Variants in LRMDA observed in about 807,000 individuals in gnomAD.
LRMDA encodes leucine-rich melanocyte differentiation-associated protein.
Under a neutral mutation model 29.8 loss-of-function variants are expected in LRMDA, and 18 were observed. That is an observed-to-expected ratio of 0.60 (90% CI 0.42 to 0.90). The LOEUF (loss-of-function observed/expected upper bound fraction) is 0.90, where lower values mean the gene tolerates loss of function less well. LRMDA is among the 40% of genes least tolerant of loss of function. The pLI is 0.00. For synonymous variants in LRMDA, 125 were observed against 109.4 expected, an observed-to-expected ratio of 1.14 and a Z score of -0.89; for missense variants, 273 against 273.9, an observed-to-expected ratio of 1.00 and a Z score of 0.02.
In LRMDA at chr10:75,571,341, G is replaced by A. The variant is rs1840435257; in HGVS notation, c.131+132847G>A. On this transcript the variant is annotated intron_variant, in intron 2 of 6. Transcript: ENST00000611255. ...TTTCCAGTGTTCTGCCACATTGTGT[G>A]GAGAACACATTGTGTGGATTAAGGT... is the stretch of plus-strand genomic sequence containing the variant. Among the ~76,000 whole-genome samples, 3 of 152,160 alleles carry A rather than the reference G, an allele frequency of 2.0e-5. No homozygotes were observed. The South Asian group carries it at 6.2e-4, about 32-fold the overall frequency.
chr10:76,019,094 A>T (rs183753989), intron 2 of LRMDA, among the ~76,000 whole-genome samples: 75 of 152,250 alleles, frequency 4.9e-4, no homozygotes, highest in Admixed American at 2.5e-3. Flanking sequence ...TCTAGGAAGT[A>T]TCCCAATTTA....
intron 6 of LRMDA, among the ~76,000 whole-genome samples, chr10:76,479,610 A>C (rs1002001912): frequency 6.6e-6 from 1 of 151,876 alleles, no homozygotes; most frequent in Non-Finnish European, 1.5e-5. Context: ...GATGAGAAAC[A>C]CCAAATGCTA....
intron 2 of LRMDA, among the ~76,000 whole-genome samples, chr10:75,680,255 A>G (rs895297261): frequency 2.0e-5 from 3 of 152,252 alleles, no homozygotes; most frequent in Admixed American, 1.3e-4. Flanking sequence ...TACTGTGGCC[A>G]GGAGTAACAG....
intron 2 of LRMDA, among the ~76,000 whole-genome samples, chr10:75,738,166 C>CT (rs553831839): frequency 7.4e-5 from 11 of 149,092 alleles, no homozygotes; most frequent in Admixed American, 2.7e-4. Flanking sequence ...ATTCTTCCTC[C>CT]TTTTTTTTTT....
intron 5 of LRMDA, among the ~76,000 whole-genome samples, chr10:76,267,569 A>C (rs1840022111): frequency 6.6e-6 from 1 of 152,176 alleles, no homozygotes; most frequent in South Asian, 2.1e-4. Flanking sequence ...GAATCATGCA[A>C]TATCTGTCCT....
At chr10:76,178,855 A>G (rs1850989351) in intron 5 of LRMDA, among the ~76,000 whole-genome samples, 1 of 152,156 alleles carries the variant, frequency 6.6e-6, no homozygotes, top group Admixed American at 6.5e-5. Context: ...CTCAGAGGAA[A>G]TCCCTCATTC....
chr10:75,507,284 C>T (rs952326767), intron 2 of LRMDA, among the ~76,000 whole-genome samples: 15 of 152,084 alleles, frequency 9.9e-5, no homozygotes, highest in African/African-American at 1.9e-4. Flanking sequence ...CTATTGGGGG[C>T]GACCCTGGAG....
intron 2 of LRMDA, among the ~76,000 whole-genome samples, chr10:75,835,096 T>A (rs1210517641): frequency 2.0e-5 from 3 of 152,236 alleles, no homozygotes; most frequent in African/African-American, 7.2e-5. Flanking sequence ...TTCCACAAAC[T>A]TAGTAGCCTA....
In LRMDA at chr10:76,262,752, T is replaced by C. The variant is rs117496610; in HGVS notation, c.517-61649T>C. Reference sequence around the variant, plus strand: ...GAGGTTCTGCTGGCCCCTGTTTTTTTCCCCAAAGCAAACCCTCTTGACAAA... The same window carrying C: ...GAGGTTCTGCTGGCCCCTGTTTTTTCCCCCAAAGCAAACCCTCTTGACAAA... On this transcript the variant is annotated intron_variant, in intron 5 of 6. Coordinates refer to ENST00000611255, the MANE Select transcript of LRMDA (RefSeq NM_001305581.2). 2.7e-3 allele frequency among the ~76,000 whole-genome samples: 412 copies of C among 152,292 alleles called. 19 individuals are homozygous for C. The East Asian group carries it at 0.062, about 23-fold the overall frequency.
At chr10:75,750,253 G>T (rs1589186525) in intron 2 of LRMDA, among the ~76,000 whole-genome samples, 2 of 151,044 alleles carry the variant, frequency 1.3e-5, no homozygotes, top group Middle Eastern at 3.5e-3. Flanking sequence ...GCCGGGCGGG[G>T]GCTGCCCACC....
intron 2 of LRMDA, among the ~76,000 whole-genome samples, chr10:75,509,264 C>CTGTGTATA (rs1164417370): frequency 6.6e-6 from 1 of 152,048 alleles, no homozygotes; most frequent in South Asian, 2.1e-4. Context: ...GTCGAATGGG[C>CTGTGTATA]TGTGTATATG....
intron 6 of LRMDA, among the ~76,000 whole-genome samples, chr10:76,334,542 C>T (rs1010528699): frequency 4.6e-5 from 7 of 152,162 alleles, no homozygotes; most frequent in African/African-American, 1.7e-4. Context: ...CTGCTCAGCT[C>T]GGCCTGCCGT....
At chr10:75,840,571 G>A (rs7902197) in intron 2 of LRMDA, among the ~76,000 whole-genome samples, 3,038 of 152,308 alleles carry the variant, frequency 0.02, 97 homozygotes, top group African/African-American at 0.07. Context: ...GTGTCTGTGT[G>A]TGTGTGCACA....
At chr10:76,548,873 G>A (rs1589233580) in intron 6 of LRMDA, among the ~76,000 whole-genome samples, 2 of 152,282 alleles carry the variant, frequency 1.3e-5, no homozygotes, top group South Asian at 2.1e-4. Context: ...TTTCTTTCAT[G>A]TGGAAAGGAC....
chr10:76,533,134 GGAGAGC>G (rs200548501), intron 6 of LRMDA, among the ~76,000 whole-genome samples: 1 of 140,950 alleles, frequency 7.1e-6, no homozygotes, highest in Admixed American at 7.4e-5. Context: ...ACTTGTAGAT[GGAGAGC>G]GAGAGCGAGA....
In LRMDA at chr10:75,492,617, T is replaced by C. The variant is rs574463070; in HGVS notation, c.131+54123T>C. On this transcript the variant is annotated intron_variant, in intron 2 of 6. Transcript: ENST00000611255. ...TATGTAGTGTGACTTTGACTATAAA[T>C]CCACAAGCAAAGTCACAGTCAAACC... Among the ~76,000 whole-genome samples the C allele has an allele frequency of 4.6e-5, 7 of 152,292 alleles. No individual in the cohort carries two copies. In the East Asian group the frequency reaches 1.4e-3, roughly 29 times the overall value.
At chr10:76,500,176 A>T (rs1842900555) in intron 6 of LRMDA, among the ~76,000 whole-genome samples, 1 of 76,298 alleles carries the variant, frequency 1.3e-5, no homozygotes, top group Admixed American at 1.2e-4. Flanking sequence ...GCCTGGCCTT[A>T]GTTTTATATT....
At chr10:75,851,634 G>A (rs1446230923) in intron 2 of LRMDA, among the ~76,000 whole-genome samples, 1 of 152,144 alleles carries the variant, frequency 6.6e-6, no homozygotes, top group Admixed American at 6.5e-5. Flanking sequence ...TTAGATGATA[G>A]TGACCCATTG....
intron 2 of LRMDA, among the ~76,000 whole-genome samples, chr10:75,477,227 G>A (rs932425597): frequency 7.2e-5 from 11 of 151,978 alleles, no homozygotes; most frequent in African/African-American, 9.7e-5. Context: ...CAGTCCTCTC[G>A]CCTCGGCCTC....
Sources: allele counts gnomAD v4.1 joint callset (sites outside exome capture counted in the v4.1 genomes callset), GRCh38; gene constraint gnomAD v4.1.1; transcripts MANE v1.5; gene names NCBI Gene and HGNC (gene_info 2026-07-23, HGNC 2026-07-21).